The following NTN1 variants were observed in gnomAD, a reference collection of about 807,000 sequenced individuals.
The protein encoded by NTN1 is netrin 1, also known as netrin-1.
Under a neutral mutation model 54.2 loss-of-function variants are expected in NTN1, and 11 were observed. The observed-to-expected ratio is 0.20, with a 90% CI of 0.13 to 0.34. The LOEUF is 0.34. Ranked by LOEUF, NTN1 falls within the 10% of genes least tolerant of loss-of-function variation. NTN1 has a pLI of 1.00. For synonymous variants in NTN1, 371 were observed against 382.0 expected, an observed-to-expected ratio of 0.97 and a Z score of 0.33; for missense variants, 740 against 893.1, an observed-to-expected ratio of 0.83 and a Z score of 2.18.
In NTN1 at chr17:9,221,297, AGGTGCT is replaced by A; in HGVS notation, c.1486+58_1486+63del. 7.0e-7 allele frequency: 1 copy of A among 1,424,662 alleles called. No individual in the cohort carries two copies. The highest frequency in any genetic ancestry group is 9.9e-7 in the Non-Finnish European group (1 of 1,008,068). The allele number at this position is 1,424,662 out of a possible 1,614,324, so 88.3% of individuals were successfully genotyped here. ...ATGGGAGGGGGCCACGTGACCAGCG[AGGTGCT>A]GGGGCTGGGGTGCAGCTGGCCCCCG... On this transcript the variant is annotated intron_variant, in intron 6 of 6. Coordinates refer to ENST00000173229, the MANE Select transcript of NTN1 (RefSeq NM_004822.3). This position sits in a 1 kb window ranked among gnomAD's most constrained non-coding sequence, Gnocchi z 4.5.
intron 2 of NTN1, among the ~76,000 whole-genome samples, chr17:9,030,012 A>G (rs1479230631): frequency 6.6e-6 from 1 of 151,982 alleles, no homozygotes. Context: ...AAAAAGTTAC[A>G]TAATTTATGT....
chr17:9,076,133 C>T (rs545736486), intron 2 of NTN1, among the ~76,000 whole-genome samples: 16 of 152,174 alleles, frequency 1.1e-4, no homozygotes, highest in Admixed American at 6.5e-4. Context: ...CTGTGGAAGA[C>T]GCACAACCCT....
chr17:9,070,354 T>C (rs1391216249), intron 2 of NTN1, among the ~76,000 whole-genome samples: 1 of 152,186 alleles, frequency 6.6e-6, no homozygotes, highest in South Asian at 2.1e-4. Flanking sequence ...GAAAATGTCA[T>C]GCGTGCTTCT....
chr17:9,119,560 G>A (rs1230626303), intron 2 of NTN1, among the ~76,000 whole-genome samples: 1 of 152,006 alleles, frequency 6.6e-6, no homozygotes, highest in Non-Finnish European at 1.5e-5. Flanking sequence ...GTGCAGTGGT[G>A]CAGTCATGGC....
At position 9,243,129 on chromosome 17, in the gene NTN1, CG is replaced by C. The variant is rs1290367153; in HGVS notation, c.*3166del. On this transcript the variant is annotated 3_prime_UTR_variant, in exon 7 of 7. Transcript: ENST00000173229. ...GACACGCAGTAATGCCGAAGATTTG[CG>C]GGGGAGGACATAGGGCTGTCCCCGG... is the stretch of plus-strand genomic sequence containing the variant. The C allele has an allele frequency of 6.6e-6, 1 of 152,178 alleles. No individual in the cohort carries two copies. Among genetic ancestry groups the C allele is most frequent in the Non-Finnish European group, 1.5e-5 (1 of 68,042 alleles). The allele number at this position is 152,178 out of a possible 1,614,324, so 9.4% of individuals were successfully genotyped here.
intron 2 of NTN1, among the ~76,000 whole-genome samples, chr17:9,056,770 C>T (rs2091980751): frequency 6.6e-6 from 1 of 152,174 alleles, no homozygotes; most frequent in East Asian, 1.9e-4. Flanking sequence ...GATGTGAGCA[C>T]TTAACCCAGG....
At chr17:9,236,952 C>A (rs2142376841) in intron 6 of NTN1, among the ~76,000 whole-genome samples, 1 of 152,208 alleles carries the variant, frequency 6.6e-6, no homozygotes, top group East Asian at 1.9e-4. Context: ...GTGAGAAGGC[C>A]CCCTGGGAGG....
At chr17:9,213,137 C>T (rs1030231669) in intron 5 of NTN1, among the ~76,000 whole-genome samples, 2 of 152,168 alleles carry the variant, frequency 1.3e-5, no homozygotes, top group Non-Finnish European at 2.9e-5. Context: ...GGGTAGGCTG[C>T]TCCCAGGAGG....
At chr17:9,238,600 C>T (rs1265275929) in intron 6 of NTN1, among the ~76,000 whole-genome samples, 2 of 152,152 alleles carry the variant, frequency 1.3e-5, no homozygotes, top group Admixed American at 6.5e-5. Context: ...GTTCTGCAGT[C>T]ACAGTTGTTT....
At chr17:9,231,076 A>G (rs1164659214) in intron 6 of NTN1, among the ~76,000 whole-genome samples, 1 of 151,998 alleles carries the variant, frequency 6.6e-6, no homozygotes, top group African/African-American at 2.4e-5. Flanking sequence ...TGTCTCCGTG[A>G]CCACAGAGAT....
At chr17:9,128,839 C>T (rs1014987862) in intron 2 of NTN1, among the ~76,000 whole-genome samples, 4 of 152,196 alleles carry the variant, frequency 2.6e-5, no homozygotes, top group Admixed American at 2.6e-4. Context: ...GATTTCCATG[C>T]ACTGAGAGAA....
rs570674668 is a variant in NTN1 at position 9,225,416 on chromosome 17, G to A, written c.1486+4174G>A. ...GCGGGGTGGGGTGGCAGGGCCTCGG[G>A]GAGTGTGTTTGGTCATAGAGGAGTG... On this transcript the variant is annotated intron_variant, in intron 6 of 6. Coordinates refer to ENST00000173229, the MANE Select transcript of NTN1 (RefSeq NM_004822.3). 8.5e-4 allele frequency among the ~76,000 whole-genome samples: 129 copies of A among 152,266 alleles called. 4 individuals are homozygous for A. In the South Asian group the frequency reaches 0.027, roughly 32 times the overall value.
At chr17:9,227,032 C>T (rs10438744) in intron 6 of NTN1, among the ~76,000 whole-genome samples, 24,895 of 151,950 alleles carry the variant, frequency 0.16, 2,428 homozygotes, top group African/African-American at 0.27. Context: ...GTTCCCTTCC[C>T]GTCTCCCTTC....
intron 2 of NTN1, among the ~76,000 whole-genome samples, chr17:9,089,211 G>C (rs566995938): frequency 2.0e-5 from 3 of 152,110 alleles, no homozygotes; most frequent in African/African-American, 4.8e-5. Context: ...TCAGGAGTTC[G>C]AGACCAGACT....
At chr17:9,065,503 C>T (rs1015559968) in intron 2 of NTN1, among the ~76,000 whole-genome samples, 1 of 152,228 alleles carries the variant, frequency 6.6e-6, no homozygotes, top group Non-Finnish European at 1.5e-5. Flanking sequence ...ACCCCACACA[C>T]CCATATGGCC....
chr17:9,088,678 G>T (rs549057492), intron 2 of NTN1, among the ~76,000 whole-genome samples: 4 of 152,210 alleles, frequency 2.6e-5, no homozygotes, highest in Admixed American at 6.5e-5. Flanking sequence ...GGATTTTTCC[G>T]CTTCAATTAT....
chr17:9,090,377 T>C (rs2092106119), intron 2 of NTN1, among the ~76,000 whole-genome samples: 1 of 152,062 alleles, frequency 6.6e-6, no homozygotes, highest in African/African-American at 2.4e-5. Context: ...GGTTTCACCA[T>C]GTTGGCCAGA....
chr17:9,068,428 T>C (rs2092022248), intron 2 of NTN1, among the ~76,000 whole-genome samples: 1 of 151,870 alleles, frequency 6.6e-6, no homozygotes, highest in African/African-American at 2.4e-5. Context: ...CAAGGGATCC[T>C]CCTGCATTGG....
chr17:9,138,588 C>A (rs1362173352), intron 2 of NTN1, among the ~76,000 whole-genome samples: 2 of 152,200 alleles, frequency 1.3e-5, no homozygotes, highest in Admixed American at 6.5e-5. Context: ...TGGGCTCTGG[C>A]ATCTCCTTGT....
Sources: allele counts gnomAD v4.1 joint callset (sites outside exome capture counted in the v4.1 genomes callset), GRCh38; gene constraint gnomAD v4.1.1; non-coding constraint Gnocchi (gnomAD v3.1); transcripts MANE v1.5; gene names NCBI Gene and HGNC (gene_info 2026-07-23, HGNC 2026-07-21).